The following NRXN1 variants were observed in gnomAD, a reference collection of about 807,000 sequenced individuals.
The protein encoded by NRXN1 is neurexin 1, also known as neurexin-1.
A neutral mutation model predicts 150.9 loss-of-function variants in NRXN1; 39 were observed. The ratio of observed to expected loss-of-function variants is 0.26; its 90% CI spans 0.20 to 0.34. The LOEUF (loss-of-function observed/expected upper bound fraction) is 0.34. Ranked by LOEUF, NRXN1 falls within the 10% of genes least tolerant of loss-of-function variation. The probability of loss-of-function intolerance (pLI) is 1.00; values close to 1 mark genes in which losing one functional copy is unlikely to be tolerated. For missense variants in NRXN1, 1,815 were observed against 1,949.9 expected (o/e 0.93, Z 1.30); for synonymous variants, 924 against 757.0 (o/e 1.22, Z -3.62).
intron 19 of NRXN1, among the ~76,000 whole-genome samples, chr2:50,073,425 T>C (rs1010857521): frequency 1.3e-5 from 2 of 152,156 alleles, no homozygotes; most frequent in Admixed American, 1.3e-4. Flanking sequence ...TCTTCCACTA[T>C]CCTTTGTTCT....
chr2:50,925,731 T>A (rs1286977549), intron 3 of NRXN1, among the ~76,000 whole-genome samples: 1 of 151,706 alleles, frequency 6.6e-6, no homozygotes, highest in Admixed American at 6.6e-5. Context: ...CTAACAAGGG[T>A]TGGAGTTAAG....
chr2:50,509,413 T>C (rs1346775320), intron 12 of NRXN1, among the ~76,000 whole-genome samples: 1 of 152,154 alleles, frequency 6.6e-6, no homozygotes, highest in East Asian at 1.9e-4. Context: ...TATCTAGGGA[T>C]GCTGAAATGA....
intron 5 of NRXN1, among the ~76,000 whole-genome samples, chr2:50,798,916 A>T (rs1168751461): frequency 6.6e-6 from 1 of 152,206 alleles, no homozygotes; most frequent in Non-Finnish European, 1.5e-5. Flanking sequence ...TATTGGCAGC[A>T]ATTGCTGAAA....
At chr2:50,669,089 T>C (rs564384172) in intron 5 of NRXN1, among the ~76,000 whole-genome samples, 22 of 151,740 alleles carry the variant, frequency 1.4e-4, no homozygotes, top group African/African-American at 4.6e-4. Context: ...CATCAGGAAA[T>C]TGAGTGTAGC....
At chr2:50,651,000 G>A (rs1685533237) in intron 5 of NRXN1, among the ~76,000 whole-genome samples, 1 of 152,044 alleles carries the variant, frequency 6.6e-6, no homozygotes, top group African/African-American at 2.4e-5. Flanking sequence ...CTGCTATCAA[G>A]TGAATTGATG....
intron 8 of NRXN1, among the ~76,000 whole-genome samples, chr2:50,601,936 A>T (rs1257308398): frequency 6.6e-6 from 1 of 152,224 alleles, no homozygotes; most frequent in Non-Finnish European, 1.5e-5. Flanking sequence ...CACCGGTTAC[A>T]TGGAGCTAAG....
At chr2:50,649,947 C>A (rs1350518483) in intron 5 of NRXN1, among the ~76,000 whole-genome samples, 1 of 152,004 alleles carries the variant, frequency 6.6e-6, no homozygotes, top group African/African-American at 2.4e-5. Flanking sequence ...CTAATAGCCA[C>A]AAGTGGTCTA....
chr2:50,237,902 T>C (rs1259997977), intron 17 of NRXN1, among the ~76,000 whole-genome samples: 1 of 151,982 alleles, frequency 6.6e-6, no homozygotes, highest in Non-Finnish European at 1.5e-5. Context: ...GCCCATGCTG[T>C]TCTCATGATA....
chr2:50,656,789 T>C (rs1173548057), intron 5 of NRXN1, among the ~76,000 whole-genome samples: 1 of 151,908 alleles, frequency 6.6e-6, no homozygotes, highest in Non-Finnish European at 1.5e-5. Flanking sequence ...AATAATGTTA[T>C]GTCATTCACA....
At chr2:50,973,617 G>C (rs1467962557) in intron 2 of NRXN1, among the ~76,000 whole-genome samples, 2 of 151,970 alleles carry the variant, frequency 1.3e-5, no homozygotes, top group Non-Finnish European at 2.9e-5. Context: ...ATAGAGTATA[G>C]AATTGACACT....
At chr2:50,384,995 T>A (rs2081230491) in intron 17 of NRXN1, among the ~76,000 whole-genome samples, 2 of 152,202 alleles carry the variant, frequency 1.3e-5, no homozygotes, top group South Asian at 2.1e-4. Context: ...TCAAACTCCA[T>A]CTGTTTAGAG....
intron 5 of NRXN1, among the ~76,000 whole-genome samples, chr2:50,750,659 C>T (rs1700498148): frequency 6.6e-6 from 1 of 151,938 alleles, no homozygotes. Flanking sequence ...GTTCCTGACT[C>T]CACTTTAATG....
intron 18 of NRXN1, among the ~76,000 whole-genome samples, chr2:50,191,371 A>G (rs1256459640): frequency 3.9e-5 from 6 of 152,100 alleles, no homozygotes; most frequent in Admixed American, 6.6e-5. Context: ...CTGTCTAGCT[A>G]TAGTACAATA....
chr2:50,895,778 C>T (rs1681848894), intron 5 of NRXN1, among the ~76,000 whole-genome samples: 1 of 151,874 alleles, frequency 6.6e-6, no homozygotes, highest in Non-Finnish European at 1.5e-5. Flanking sequence ...TGGGGTTTCA[C>T]CATGTCAGCC....
chr2:50,649,253 CACACAT>C (rs1432392965), intron 5 of NRXN1, among the ~76,000 whole-genome samples: 2 of 97,482 alleles, frequency 2.1e-5, no homozygotes, highest in African/African-American at 3.8e-5. Flanking sequence ...TACACACATA[CACACAT>C]ACACACACAC....
chr2:50,027,386 C>CTCCG (rs1227671931), intron 21 of NRXN1, among the ~76,000 whole-genome samples: 1 of 147,344 alleles, frequency 6.8e-6, no homozygotes, highest in African/African-American at 2.5e-5. Flanking sequence ...TCCTTCCTCC[C>CTCCG]TCCCTTCCTT....
chr2:50,073,396 C>G (rs998856149), intron 19 of NRXN1, among the ~76,000 whole-genome samples: 1 of 152,080 alleles, frequency 6.6e-6, no homozygotes, highest in Non-Finnish European at 1.5e-5. Context: ...CTGGGATTAC[C>G]TCTCCTCAGT....
At chr2:49,986,139 C>T (rs1236032415) in intron 21 of NRXN1, among the ~76,000 whole-genome samples, 4 of 152,160 alleles carry the variant, frequency 2.6e-5, no homozygotes, top group Admixed American at 2.0e-4. Context: ...TGGCCAGAAA[C>T]TCAGATGCCA....
chr2:50,363,311 A>C (rs1434816092), intron 17 of NRXN1, among the ~76,000 whole-genome samples: 2 of 152,228 alleles, frequency 1.3e-5, no homozygotes, highest in Non-Finnish European at 2.9e-5. Context: ...GGGAACCTAA[A>C]GAATGGGAGG....
Sources: allele counts gnomAD v4.1 joint callset (sites outside exome capture counted in the v4.1 genomes callset), GRCh38; gene constraint gnomAD v4.1.1; transcripts MANE v1.5; gene names NCBI Gene and HGNC (gene_info 2026-07-23, HGNC 2026-07-21).